The following DENND5B variants were observed in gnomAD, a reference collection of about 807,000 sequenced individuals.
DENND5B encodes DENN domain containing 5B, also known as DENN domain-containing protein 5B.
A neutral mutation model predicts 140.6 loss-of-function variants in DENND5B; 34 were observed. The observed-to-expected ratio is 0.24, with a 90% CI of 0.18 to 0.32. The LOEUF is 0.32. Ranked by LOEUF, DENND5B falls within the 10% of genes least tolerant of loss-of-function variation. The pLI is 1.00. For synonymous variants in DENND5B, 551 were observed against 562.1 expected, an observed-to-expected ratio of 0.98 and a Z score of 0.28; for missense variants, 1,142 against 1,560.2, an observed-to-expected ratio of 0.73 and a Z score of 4.52.
intron 8 of DENND5B, among the ~76,000 whole-genome samples, chr12:31,426,903 T>C (rs778101228): frequency 4.6e-5 from 7 of 152,218 alleles, no homozygotes; most frequent in Non-Finnish European, 1.0e-4. Flanking sequence ...CTTTGCTCTA[T>C]AATCAAGTCA....
In DENND5B at chr12:31,392,370, C is replaced by T. The variant is rs1372514754; in HGVS notation, c.3363G>A (p.Leu1121=). Residue 1121 remains leucine (L), a synonymous_variant, in exon 19 of 21, where the codon CTG becomes CTA. Transcript: ENST00000389082. ...CTGCAACCAGGCCATTTTCTCCACA[C>T]AGCAACACGGTGAGGCTTCCTCTCT... ...EKERGSLTVL[L]CGENGLVAAL... is the part of the protein sequence containing the mutation. 6.2e-7 allele frequency: 1 copy of T among 1,613,826 alleles called. No individual in the cohort carries two copies. Among genetic ancestry groups the T allele is most frequent in the Non-Finnish European group, 8.5e-7 (1 of 1,179,862 alleles).
intron 1 of DENND5B, chr12:31,541,127 C>T (rs1592010595): frequency 2.6e-6 from 1 of 380,374 alleles, no homozygotes; most frequent in South Asian, 2.0e-5. Flanking sequence ...ATTGGGGAAC[C>T]TCTCCAGAAC....
At chr12:31,478,817 T>C (rs1228400000) in intron 3 of DENND5B, among the ~76,000 whole-genome samples, 1 of 152,190 alleles carries the variant, frequency 6.6e-6, no homozygotes, top group Non-Finnish European at 1.5e-5. Flanking sequence ...CATCTCTATT[T>C]TCTCTACACA....
chr12:31,465,477 C>T (rs60865271), intron 3 of DENND5B: 20,648 of 152,306 alleles, frequency 0.14, 1,640 homozygotes, highest in East Asian at 0.25. Context: ...AAGTGGTTCT[C>T]CTGCCTCAGC....
At chr12:31,582,291 C>T (rs531301527) in intron 1 of DENND5B, among the ~76,000 whole-genome samples, 9 of 152,250 alleles carry the variant, frequency 5.9e-5, no homozygotes, top group African/African-American at 1.7e-4. Flanking sequence ...TCAAGACAGA[C>T]GAGAACACTG....
chr12:31,427,403 G>A (rs867581379), intron 8 of DENND5B, among the ~76,000 whole-genome samples: 10 of 136,314 alleles, frequency 7.3e-5, no homozygotes, highest in Admixed American at 3.3e-4. Flanking sequence ...TCAGGAGCAC[G>A]TGACCAGCCT....
intron 7 of DENND5B, among the ~76,000 whole-genome samples, chr12:31,434,878 C>A (rs1209234168): frequency 6.6e-6 from 1 of 152,156 alleles, no homozygotes; most frequent in East Asian, 1.9e-4. Flanking sequence ...TCATCCAGAA[C>A]TCCTCTACCT....
At chr12:31,480,531 C>A (rs1471146891) in intron 2 of DENND5B, among the ~76,000 whole-genome samples, 4 of 152,246 alleles carry the variant, frequency 2.6e-5, no homozygotes, top group South Asian at 4.2e-4. Flanking sequence ...CTGATTTAGT[C>A]CCAGAGTAAA....
At chr12:31,387,823 T>G (rs369236694) in intron 20 of DENND5B, 37 bp from the exon 21 acceptor site, 2 of 1,590,900 alleles carry the variant, frequency 1.3e-6, no homozygotes, top group African/African-American at 2.7e-5. Context: ...TGAGCATTGC[T>G]GGCCTCGCTG....
Position 31,452,005 on chromosome 12 carries a change from T to C in DENND5B, c.1564A>G (p.Ile522Val), listed in dbSNP as rs765226107. ...QMFADYEAFV[I>V]QTAQDMESWL... Reference sequence around the variant, plus strand: ...GATTCCATGTCCTGGGCAGTCTGAATGACAAATGCTTCGTAATCTGCAAAC... The same window carrying C: ...GATTCCATGTCCTGGGCAGTCTGAACGACAAATGCTTCGTAATCTGCAAAC... Residue 522 changes from isoleucine to valine, a missense_variant, in exon 5 of 21, where the codon ATT becomes GTT. Around this residue, in one of 5 missense-constraint regions of DENND5B, gnomAD observed 708 missense variants for 905.5 expected, o/e 0.78. Transcript: ENST00000389082. The C allele has an allele frequency of 6.2e-7, 1 of 1,613,636 alleles. No homozygotes were observed. The highest frequency in any genetic ancestry group is 8.5e-7 in the Non-Finnish European group (1 of 1,179,820).
intron 1 of DENND5B, among the ~76,000 whole-genome samples, chr12:31,507,949 T>C (rs139746493): frequency 1.3e-5 from 2 of 152,308 alleles, no homozygotes; most frequent in African/African-American, 4.8e-5. Context: ...GTATTTACCT[T>C]CTATGGAAAT....
In DENND5B at chr12:31,466,534, A is replaced by C. The variant is rs928381889; in HGVS notation, c.905-6153T>G. On this transcript the variant is annotated intron_variant, in intron 3 of 20. Transcript: ENST00000389082. ...ATGGTGAAACCCCGTCTCTACTAAAAATACAAAAATTAGCTGGGCATGGTG... is the reference window on the plus strand; with the variant it reads ...ATGGTGAAACCCCGTCTCTACTAAACATACAAAAATTAGCTGGGCATGGTG... 6.6e-5 allele frequency among the ~76,000 whole-genome samples: 10 copies of C among 152,076 alleles called. No homozygotes were observed. In the East Asian group the frequency reaches 1.2e-3, roughly 18 times the overall value.
intron 17 of DENND5B, among the ~76,000 whole-genome samples, chr12:31,397,644 G>C (rs1403116362): frequency 1.3e-5 from 2 of 149,318 alleles, no homozygotes; most frequent in African/African-American, 4.9e-5. Flanking sequence ...TTTCAGGCAA[G>C]GCCAGGTCTG....
Position 31,484,306 on chromosome 12 carries a change from T to C in DENND5B, c.238-4051A>G, listed in dbSNP as rs1402243585. On this transcript the variant is annotated intron_variant, in intron 2 of 20. Coordinates refer to ENST00000389082, the MANE Select transcript of DENND5B (RefSeq NM_144973.4). ...GAAAAGGAGATGGCAGCCTTGGAGA[T>C]GAGAAGCATAGTGGCTGGCCATCAG... Among the ~76,000 whole-genome samples the C allele has an allele frequency of 2.0e-5, 3 of 152,054 alleles. No individual in the cohort carries two copies. In the East Asian group the frequency reaches 5.8e-4, roughly 29 times the overall value.
intron 1 of DENND5B, among the ~76,000 whole-genome samples, chr12:31,511,363 C>T (rs1443928146): frequency 2.0e-5 from 3 of 152,082 alleles, no homozygotes; most frequent in Non-Finnish European, 4.4e-5. Context: ...TTTTATGGTC[C>T]AATATTTTAA....
At chr12:31,427,463 A>T (rs1943294828) in intron 8 of DENND5B, among the ~76,000 whole-genome samples, 1 of 151,712 alleles carries the variant, frequency 6.6e-6, no homozygotes, top group African/African-American at 2.4e-5. Flanking sequence ...AAAATTAGCC[A>T]CGCGTGGTGG....
chr12:31,586,820 G>T (rs1950409834), intron 1 of DENND5B, among the ~76,000 whole-genome samples: 1 of 152,200 alleles, frequency 6.6e-6, no homozygotes, highest in Non-Finnish European at 1.5e-5. Context: ...TGCTAAGAAA[G>T]TGTGATAAAG....
At chr12:31,444,822 A>G (rs1197329439) in intron 6 of DENND5B, among the ~76,000 whole-genome samples, 2 of 152,184 alleles carry the variant, frequency 1.3e-5, no homozygotes, top group African/African-American at 4.8e-5. Flanking sequence ...TACTTTCTCA[A>G]TTTCCAAAAC....
At chr12:31,422,385 G>A (rs61930275) in intron 11 of DENND5B, among the ~76,000 whole-genome samples, 60,267 of 151,062 alleles carry the variant, frequency 0.4, 12,624 homozygotes, top group Admixed American at 0.57. Context: ...AGCCGAGATC[G>A]CGCCACTGCA....
Sources: gnomAD v4.1 joint callset for allele counts (sites outside exome capture counted in the v4.1 genomes callset) on GRCh38, gnomAD v4.1.1 for gene constraint, gnomAD v4.1.1 regional missense constraint, MANE v1.5 for transcripts, NCBI Gene and HGNC (gene_info 2026-07-23, HGNC 2026-07-21) for gene names.